FSTL5: variants seen among roughly 807,000 people sequenced by gnomAD.
The protein encoded by FSTL5 is follistatin-related protein 5.
FSTL5 carries 62 observed loss-of-function variants against 89.1 expected under a neutral mutation model. That is an observed-to-expected ratio of 0.70 (90% CI 0.57 to 0.86). The LOEUF (loss-of-function observed/expected upper bound fraction) is 0.86, where lower values mean the gene tolerates loss of function less well. Ranked by LOEUF, FSTL5 falls within the 40% of genes least tolerant of loss-of-function variation. The pLI is 0.00. For missense variants in FSTL5, 1,057 were observed against 1,001.6 expected, an observed-to-expected ratio of 1.06 and a Z score of -0.75; for synonymous variants, 383 against 346.2, an observed-to-expected ratio of 1.11 and a Z score of -1.18.
intron 3 of FSTL5, among the ~76,000 whole-genome samples, chr4:161,987,462 ATATATATG>A (rs1413300179): frequency 6.9e-6 from 1 of 144,074 alleles, no homozygotes; most frequent in East Asian, 2.0e-4. Context: ...CTCACTTTAT[ATATATATG>A]TATATATATA....
intron 4 of FSTL5, among the ~76,000 whole-genome samples, chr4:161,826,072 G>C (rs1199202244): frequency 6.6e-6 from 1 of 151,910 alleles, no homozygotes; most frequent in African/African-American, 2.4e-5. Context: ...GTTTTGATAG[G>C]CTGTGTCACT....
intron 6 of FSTL5, among the ~76,000 whole-genome samples, chr4:161,690,146 A>G (rs1011773246): frequency 1.3e-5 from 2 of 152,144 alleles, no homozygotes; most frequent in African/African-American, 4.8e-5. Flanking sequence ...TAGAAGCCGA[A>G]TGCTGGGGCA....
At chr4:161,493,901 T>C (rs1729976366) in intron 12 of FSTL5, among the ~76,000 whole-genome samples, 1 of 152,136 alleles carries the variant, frequency 6.6e-6, no homozygotes, top group South Asian at 2.1e-4. Context: ...AATAATGCTA[T>C]GTAACTCCAT....
chr4:161,699,712 C>T (rs1012103491), intron 6 of FSTL5, among the ~76,000 whole-genome samples: 2 of 152,156 alleles, frequency 1.3e-5, no homozygotes, highest in Non-Finnish European at 2.9e-5. Flanking sequence ...TTGCATTATT[C>T]ACCCCAGACT....
intron 6 of FSTL5, among the ~76,000 whole-genome samples, chr4:161,735,436 C>T (rs184617692): frequency 2.6e-4 from 40 of 152,218 alleles, no homozygotes; most frequent in African/African-American, 9.6e-4. Context: ...CCTCTTTCTC[C>T]TCCCCAGAGG....
intron 4 of FSTL5, among the ~76,000 whole-genome samples, chr4:161,871,334 A>T (rs1374947452): frequency 1.3e-5 from 2 of 152,174 alleles, no homozygotes; most frequent in East Asian, 3.9e-4. Flanking sequence ...CATACTTAAA[A>T]TTTTCAAGAT....
At chr4:161,598,417 T>C (rs1449007881) in intron 7 of FSTL5, among the ~76,000 whole-genome samples, 1 of 150,848 alleles carries the variant, frequency 6.6e-6, no homozygotes, top group Non-Finnish European at 1.5e-5. Context: ...ACGCATGTTT[T>C]TGAGGAAATC....
intron 6 of FSTL5, among the ~76,000 whole-genome samples, chr4:161,669,814 T>C (rs892389613): frequency 1.3e-5 from 2 of 152,244 alleles, no homozygotes. Flanking sequence ...ACCAAGACCA[T>C]TTATAAACCT....
chr4:161,727,483 A>G (rs1460318944), intron 6 of FSTL5, among the ~76,000 whole-genome samples: 1 of 152,182 alleles, frequency 6.6e-6, no homozygotes, highest in Non-Finnish European at 1.5e-5. Flanking sequence ...CATTGAATAG[A>G]GTGAAGCTGG....
chr4:161,709,976 A>T (rs922685041), intron 6 of FSTL5, among the ~76,000 whole-genome samples: 5 of 151,980 alleles, frequency 3.3e-5, no homozygotes, highest in African/African-American at 1.2e-4. Flanking sequence ...TTCTGGTGGT[A>T]GTTGTTTTTT....
At chr4:162,013,328 G>A (rs1042147276) in intron 3 of FSTL5, among the ~76,000 whole-genome samples, 4 of 152,126 alleles carry the variant, frequency 2.6e-5, no homozygotes, top group Admixed American at 2.6e-4. Context: ...ATTAGATGGA[G>A]GAACTTTCTT....
intron 2 of FSTL5, among the ~76,000 whole-genome samples, chr4:162,038,022 A>G (rs535187562): frequency 6.6e-6 from 1 of 152,072 alleles, no homozygotes; most frequent in African/African-American, 2.4e-5. Flanking sequence ...ACGAGTGACC[A>G]GAAACTTTTG....
intron 7 of FSTL5, among the ~76,000 whole-genome samples, chr4:161,592,700 C>G (rs1283431122): frequency 6.6e-6 from 1 of 152,026 alleles, no homozygotes; most frequent in Non-Finnish European, 1.5e-5. Flanking sequence ...TGGTTCCAAG[C>G]CTTTGCTATT....
intron 4 of FSTL5, among the ~76,000 whole-genome samples, chr4:161,834,937 A>G (rs889353296): frequency 6.7e-6 from 1 of 149,892 alleles, no homozygotes; most frequent in African/African-American, 2.5e-5. Flanking sequence ...TTCTTCACAG[A>G]ATTGGAAAAA....
At chr4:161,411,302 TG>T (rs1731581744) in intron 15 of FSTL5, among the ~76,000 whole-genome samples, 1 of 151,876 alleles carries the variant, frequency 6.6e-6, no homozygotes, top group South Asian at 2.1e-4. Flanking sequence ...TTCAAACAAT[TG>T]AGAAGGAGGA....
At chr4:161,404,496 C>A (rs1417832786) in intron 15 of FSTL5, among the ~76,000 whole-genome samples, 2 of 152,054 alleles carry the variant, frequency 1.3e-5, no homozygotes, top group Non-Finnish European at 2.9e-5. Flanking sequence ...AAGTTTTCCA[C>A]TAACAGTGGA....
At chr4:162,124,155 C>G (rs1353802575) in intron 1 of FSTL5, among the ~76,000 whole-genome samples, 2 of 152,108 alleles carry the variant, frequency 1.3e-5, no homozygotes. Flanking sequence ...AGTATGATAT[C>G]TGAGAAGCTT....
intron 4 of FSTL5, among the ~76,000 whole-genome samples, chr4:161,892,990 G>A (rs1319043932): frequency 6.6e-6 from 1 of 152,052 alleles, no homozygotes; most frequent in Admixed American, 6.6e-5. Context: ...CTTTTAGAAA[G>A]ATACAAGTGA....
intron 6 of FSTL5, among the ~76,000 whole-genome samples, chr4:161,673,826 AAT>A (rs1477246800): frequency 6.6e-6 from 1 of 151,966 alleles, no homozygotes; most frequent in Non-Finnish European, 1.5e-5. Flanking sequence ...AATTATTAGT[AAT>A]ACAAATGCTT....
Sources: allele counts gnomAD v4.1 joint callset (sites outside exome capture counted in the v4.1 genomes callset), GRCh38; gene constraint gnomAD v4.1.1; transcripts MANE v1.5; gene names NCBI Gene and HGNC (gene_info 2026-07-23, HGNC 2026-07-21).